The following SESN1 variants were observed in gnomAD, a reference collection of about 807,000 sequenced individuals.
SESN1 encodes sestrin-1.
SESN1 carries 30 observed loss-of-function variants against 59.3 expected under a neutral mutation model. The ratio of observed to expected loss-of-function variants is 0.51; its 90% CI spans 0.38 to 0.69. The LOEUF is 0.69. Among genes scored for constraint, SESN1 ranks in the 30% least tolerant of loss-of-function variants. SESN1 has a pLI of 0.00. For missense variants in SESN1, 566 were observed against 673.0 expected (o/e 0.84, Z 1.76); for synonymous variants, 197 against 219.9 (o/e 0.90, Z 0.92).
At chr6:109,027,213 C>G (rs1583277610) in intron 1 of SESN1, among the ~76,000 whole-genome samples, 1 of 152,010 alleles carries the variant, frequency 6.6e-6, no homozygotes, top group East Asian at 1.9e-4. Context: ...TGGCTCACGC[C>G]TGTAATCCCA....
At chr6:109,038,509 AAAC>A (rs1421524606) in intron 1 of SESN1, among the ~76,000 whole-genome samples, 1 of 152,204 alleles carries the variant, frequency 6.6e-6, no homozygotes, top group Non-Finnish European at 1.5e-5. Context: ...AAAAAACAAA[AAAC>A]AACACAAGTC....
chr6:109,084,467 T>C (rs949856951), intron 1 of SESN1, among the ~76,000 whole-genome samples: 4 of 152,062 alleles, frequency 2.6e-5, no homozygotes, highest in African/African-American at 9.7e-5. Context: ...GGCAGGAGAA[T>C]CGTTTGAACC....
intron 1 of SESN1, among the ~76,000 whole-genome samples, chr6:109,070,808 G>T (rs1200597748): frequency 6.6e-6 from 1 of 152,196 alleles, no homozygotes; most frequent in East Asian, 1.9e-4. Flanking sequence ...ACCATTTGGG[G>T]ATTCAAGTCT....
intron 8 of SESN1, among the ~76,000 whole-genome samples, chr6:108,989,175 G>A (rs751239762): frequency 6.6e-6 from 1 of 151,954 alleles, no homozygotes; most frequent in South Asian, 2.1e-4. Flanking sequence ...GCCAATTTTT[G>A]TATTTTTAGT....
chr6:109,084,840 T>C (rs917081807), intron 1 of SESN1, among the ~76,000 whole-genome samples: 10 of 152,164 alleles, frequency 6.6e-5, no homozygotes, highest in African/African-American at 2.4e-4. Context: ...AAATTTAACA[T>C]GAATTTTTTT....
intron 1 of SESN1, among the ~76,000 whole-genome samples, chr6:109,072,947 G>GA (rs1186086308): frequency 1.1e-4 from 17 of 151,664 alleles, no homozygotes; most frequent in Admixed American, 3.9e-4. Flanking sequence ...AGCAGATTTA[G>GA]AAAAAATTAT....
At chr6:109,090,442 A>C (rs985822933) in intron 1 of SESN1, among the ~76,000 whole-genome samples, 2 of 152,206 alleles carry the variant, frequency 1.3e-5, no homozygotes, top group African/African-American at 4.8e-5. Flanking sequence ...ACAATAGCCT[A>C]CTGTTGACTG....
At chr6:109,028,679 T>C (rs1441523025) in intron 1 of SESN1, among the ~76,000 whole-genome samples, 1 of 152,168 alleles carries the variant, frequency 6.6e-6, no homozygotes, top group Non-Finnish European at 1.5e-5. Context: ...TGATGCCACA[T>C]GGAAGACTGG....
rs2128525114 is a variant in SESN1 at position 108,985,060 on chromosome 6, TATATG to T, written c.*2479_*2483del. On this transcript the variant is annotated 3_prime_UTR_variant, in exon 10 of 10. Transcript: ENST00000436639. ...AGCAAAAAACTAGTATGATGATTCA[TATATG>T]ATATTCACATATACAAATATGCTAG... 6.6e-6 allele frequency among the ~76,000 whole-genome samples: 1 copy of T among 152,336 alleles called. No homozygotes were observed. Among genetic ancestry groups the T allele is most frequent in the African/African-American group, 2.4e-5 (1 of 41,566 alleles).
Position 109,011,200 on chromosome 6 carries a change from A to C in SESN1, c.280-8857T>G, listed in dbSNP as rs530990880. Among the ~76,000 whole-genome samples, 10 of 152,378 alleles carry C rather than the reference A, an allele frequency of 6.6e-5. No individual in the cohort carries two copies. The South Asian group carries it at 1.9e-3, about 28-fold the overall frequency. ...TTCAGTTAAATCAAAAGTGGCTTAA[A>C]ATAAGTAAATGCAAGTGAAAACTGC... is the stretch of plus-strand genomic sequence containing the variant. On this transcript the variant is annotated intron_variant, in intron 1 of 9. Coordinates refer to ENST00000436639, the MANE Select transcript of SESN1 (RefSeq NM_014454.3).
intron 9 of SESN1, 46 bp from the exon 10 acceptor site, chr6:108,987,676 C>CACAATCAGTTTT (rs1779235540): frequency 9.5e-7 from 1 of 1,054,224 alleles, no homozygotes; most frequent in African/African-American, 1.6e-5. Flanking sequence ...TACAAGCATT[C>CACAATCAGTTTT]ACAATCAGTT....
intron 1 of SESN1, among the ~76,000 whole-genome samples, chr6:109,064,268 A>T (rs1401506504): frequency 6.6e-6 from 1 of 151,950 alleles, no homozygotes; most frequent in African/African-American, 2.4e-5. Context: ...ATATGCCAAG[A>T]TGATAAATAA....
At chr6:109,002,784 T>G (rs1303540976) in intron 1 of SESN1, among the ~76,000 whole-genome samples, 1 of 152,194 alleles carries the variant, frequency 6.6e-6, no homozygotes, top group African/African-American at 2.4e-5. Flanking sequence ...GTAATTATTA[T>G]TACATCTAAA....
chr6:109,009,345 C>G, intron 1 of SESN1: 1 of 1,469,856 alleles, frequency 6.8e-7, no homozygotes. Context: ...CCGCTCAGCC[C>G]CTCGCCCAGG....
chr6:109,061,886 A>C (rs996986573), intron 1 of SESN1, among the ~76,000 whole-genome samples: 1 of 152,216 alleles, frequency 6.6e-6, no homozygotes, highest in African/African-American at 2.4e-5. Context: ...AAATGATGAG[A>C]AAACCCTGAT....
chr6:109,046,296 G>A (rs1310464243), intron 1 of SESN1, among the ~76,000 whole-genome samples: 1 of 151,718 alleles, frequency 6.6e-6, no homozygotes, highest in Non-Finnish European at 1.5e-5. Context: ...TGTTGGCCGG[G>A]CCGGTCTCCA....
intron 1 of SESN1, among the ~76,000 whole-genome samples, chr6:109,049,057 T>C (rs889166878): frequency 1.3e-5 from 2 of 152,202 alleles, no homozygotes; most frequent in Non-Finnish European, 2.9e-5. Flanking sequence ...AGAACATGTG[T>C]ATGAATAAAT....
chr6:109,056,011 C>A lies in SESN1; in HGVS notation c.279+37784G>T, dbSNP rs547006805. ...AAAGTAACCTAAAATTTCCTCACAA[C>A]AAACTACTTATGATTCACAATTTAA... On this transcript the variant is annotated intron_variant, in intron 1 of 9. Transcript: ENST00000436639. 2.0e-3 allele frequency among the ~76,000 whole-genome samples: 299 copies of A among 152,308 alleles called. 1 individual carries two copies. The highest frequency in any genetic ancestry group is 6.8e-3 in the African/African-American group (284 of 41,570).
chr6:109,073,967 C>G (rs1263948091), intron 1 of SESN1, among the ~76,000 whole-genome samples: 1 of 152,214 alleles, frequency 6.6e-6, no homozygotes, highest in African/African-American at 2.4e-5. Context: ...TTGGGACATA[C>G]AGTCACGTGT....
Sources: gnomAD v4.1 joint callset for allele counts (sites outside exome capture counted in the v4.1 genomes callset) on GRCh38, gnomAD v4.1.1 for gene constraint, MANE v1.5 for transcripts, NCBI Gene and HGNC (gene_info 2026-07-23, HGNC 2026-07-21) for gene names.